The following ENTPD3 variants were observed in gnomAD, a reference collection of about 807,000 sequenced individuals.
ENTPD3 encodes the protein ectonucleoside triphosphate diphosphohydrolase 3.
ENTPD3 carries 60 observed loss-of-function variants against 51.2 expected under a neutral mutation model. The ratio of observed to expected loss-of-function variants is 1.17; its 90% CI spans 0.95 to 1.45. The LOEUF (loss-of-function observed/expected upper bound fraction) is 1.45, where lower values mean the gene tolerates loss of function less well. ENTPD3 is among the 40% of genes most tolerant of loss of function. ENTPD3 has a pLI of 0.00. For synonymous variants in ENTPD3, 221 were observed against 238.4 expected (o/e 0.93, Z 0.67); for missense variants, 593 against 641.1 (o/e 0.93, Z 0.81).
Position 40,389,802 on chromosome 3 carries a change from G to A in ENTPD3, c.40+1705G>A, listed in dbSNP as rs747800460. Among the ~76,000 whole-genome samples, 8 of 152,310 alleles carry A rather than the reference G, an allele frequency of 5.3e-5. 1 individual carries two copies. In the Middle Eastern group the frequency reaches 0.014, roughly 259 times the overall value. ...TTTGGGGGCTGAATCTAATTATATC[G>A]TGGGCGCATAGACATGCCCTGTTAT... On this transcript the variant is annotated intron_variant, in intron 2 of 10. Coordinates refer to ENST00000301825, the MANE Select transcript of ENTPD3 (RefSeq NM_001248.4).
intron 2 of ENTPD3, 28 bp downstream of exon 2, chr3:40,388,125 G>C (rs370574221): frequency 6.2e-7 from 1 of 1,613,384 alleles, no homozygotes; most frequent in Non-Finnish European, 8.5e-7. Flanking sequence ...GGTAGCAAGC[G>C]TGGTTTTGCC....
Position 40,428,114 on chromosome 3 carries a change from G to T in ENTPD3, c.*606G>T, listed in dbSNP as rs1956016789. 1 of 155,558 alleles carries T rather than the reference G, an allele frequency of 6.4e-6. No individual in the cohort carries two copies. Among genetic ancestry groups the T allele is most frequent in the African/African-American group, 2.4e-5 (1 of 41,428 alleles). The allele number at this position is 155,558 out of a possible 1,614,324, so 9.6% of individuals were successfully genotyped here. ...ACAGAGACATAAAAAAGGTCTCCCA[G>T]AAAACTATAGACCATTCTCCAAGTG... On this transcript the variant is annotated 3_prime_UTR_variant, in exon 11 of 11. Transcript: ENST00000301825.
intron 3 of ENTPD3, among the ~76,000 whole-genome samples, chr3:40,393,568 C>A (rs1955116192): frequency 6.6e-6 from 1 of 151,994 alleles, no homozygotes; most frequent in Non-Finnish European, 1.5e-5. Flanking sequence ...GTAAAATCTC[C>A]ATTAGATAAT....
chr3:40,411,308 A>AAAAAAAG (rs10671439), intron 4 of ENTPD3, among the ~76,000 whole-genome samples: 61,193 of 148,564 alleles, frequency 0.41, 13,839 homozygotes, highest in African/African-American at 0.6. Flanking sequence ...AAAAAAAAGA[A>AAAAAAAG]AAAAAGAAAA....
chr3:40,391,871 T>C (rs945663930), intron 2 of ENTPD3, 152 bp from the exon 3 acceptor site: 142 of 831,970 alleles, frequency 1.7e-4, no homozygotes, highest in Non-Finnish European at 2.4e-4. Flanking sequence ...GGGAGCTTAT[T>C]TGCTACTCCA....
intron 7 of ENTPD3, among the ~76,000 whole-genome samples, chr3:40,421,614 T>A (rs752795634): frequency 6.6e-6 from 1 of 152,212 alleles, no homozygotes; most frequent in African/African-American, 2.4e-5. Flanking sequence ...ACCACCTCAA[T>A]GTTCATCTAG....
chr3:40,407,817 G>A (rs1045172915), intron 4 of ENTPD3, among the ~76,000 whole-genome samples: 1 of 152,162 alleles, frequency 6.6e-6, no homozygotes, highest in South Asian at 2.1e-4. Flanking sequence ...GAGGAAGTGC[G>A]CAATTAGGTG....
intron 3 of ENTPD3, chr3:40,399,495 G>A (rs571961864): frequency 2.0e-5 from 3 of 152,250 alleles, no homozygotes; most frequent in East Asian, 3.9e-4. Flanking sequence ...TCATAAAATC[G>A]AGAATCCATC....
rs755423705 is a variant in ENTPD3 at position 40,411,840 on chromosome 3, C to A, written c.315C>A (p.Asn105Lys). 3 of 1,596,078 alleles carry A rather than the reference C, an allele frequency of 1.9e-6. No individual in the cohort carries two copies. In the Admixed American group the frequency reaches 5.2e-5, roughly 28 times the overall value. Reference sequence around the variant, plus strand: ...CTGGAATCTCCAGCTATGGAAATAACCCCCAAGATGTCCCCAGAGCCTTTG... The same window carrying A: ...CTGGAATCTCCAGCTATGGAAATAAACCCCAAGATGTCCCCAGAGCCTTTG... ...KGSGISSYGN[N>K]PQDVPRAFEE... Residue 105 changes from asparagine to lysine, a missense_variant, in exon 5 of 11, where the codon AAC becomes AAA. Physicochemically the swap from Asn to Lys is moderately conservative, Grantham distance 94. Transcript: ENST00000301825.
At chr3:40,425,069 A>AT (rs1471463165) in intron 10 of ENTPD3, 12 of 255,224 alleles carry the variant, frequency 4.7e-5, no homozygotes, top group African/African-American at 2.6e-4. Flanking sequence ...CTAAGTTAAA[A>AT]GTTCCCTTTT....
rs1955069224 is a variant in ENTPD3 at position 40,392,033 on chromosome 3, C to T, written c.51C>T (p.Ala17=). Residue 17 remains alanine (A), a synonymous_variant, in exon 3 of 11, where the codon GCC becomes GCT. Transcript: ENST00000301825. ...RQPCEQAGLK[A]LYRTPTIIAL... is the part of the protein sequence containing the mutation. ...GTCTTCTCATTTTAGGCCTCAAGGC[C>T]CTCTACCGAACTCCAACCATCATTG... 1 of 1,614,040 alleles carries T rather than the reference C, an allele frequency of 6.2e-7. No individual in the cohort carries two copies. The highest frequency in any genetic ancestry group is 8.5e-7 in the Non-Finnish European group (1 of 1,180,040).
chr3:40,416,182 G>A, intron 7 of ENTPD3, 109 bp downstream of exon 7: 1 of 750,266 alleles, frequency 1.3e-6, no homozygotes, highest in Non-Finnish European at 2.2e-6. Context: ...TTGAAAGGTA[G>A]ATGGAAATAA....
At chr3:40,398,510 T>C (rs1184525721) in intron 3 of ENTPD3, among the ~76,000 whole-genome samples, 1 of 152,172 alleles carries the variant, frequency 6.6e-6, no homozygotes, top group Non-Finnish European at 1.5e-5. Flanking sequence ...AGTTTCAACC[T>C]GTACTTTAAT....
intron 4 of ENTPD3, 141 bp from the exon 5 acceptor site, chr3:40,411,671 C>A: frequency 4.5e-6 from 3 of 664,756 alleles, no homozygotes; most frequent in Non-Finnish European, 7.2e-6. Flanking sequence ...TGTGACCATA[C>A]GGGACTTACC....
chr3:40,407,336 T>C (rs920394529), intron 4 of ENTPD3, among the ~76,000 whole-genome samples: 15 of 152,126 alleles, frequency 9.9e-5, no homozygotes, highest in Admixed American at 5.2e-4. Context: ...ATTAGCATGT[T>C]TGCATTTCAA....
At chr3:40,402,079 GAT>G (rs368419338) in intron 4 of ENTPD3, among the ~76,000 whole-genome samples, 1 of 145,984 alleles carries the variant, frequency 6.9e-6, no homozygotes. Flanking sequence ...CATCTGCACT[GAT>G]ATGAGTAACT....
intron 10 of ENTPD3, chr3:40,424,267 T>G (rs778314094): frequency 5.3e-6 from 3 of 565,646 alleles, no homozygotes; most frequent in South Asian, 7.7e-5. Flanking sequence ...GAATAGAGCC[T>G]AGAAGGTACT....
intron 7 of ENTPD3, among the ~76,000 whole-genome samples, chr3:40,417,382 C>T (rs2125607007): frequency 6.6e-6 from 1 of 152,258 alleles, no homozygotes; most frequent in South Asian, 2.1e-4. Flanking sequence ...GAAGGCGAAG[C>T]GGAAGCAAGC....
At chr3:40,388,569 A>G (rs1366689644) in intron 2 of ENTPD3, among the ~76,000 whole-genome samples, 2 of 122,142 alleles carry the variant, frequency 1.6e-5, no homozygotes, top group African/African-American at 5.9e-5. Flanking sequence ...CTCACACTGG[A>G]AGGCACACAC....
Sources: gnomAD v4.1 joint callset for allele counts (sites outside exome capture counted in the v4.1 genomes callset) on GRCh38, gnomAD v4.1.1 for gene constraint, MANE v1.5 for transcripts, NCBI Gene and HGNC (gene_info 2026-07-23, HGNC 2026-07-21) for gene names.